Variants in ADGRB3 observed in about 807,000 individuals in gnomAD.
ADGRB3 encodes the protein brain-specific angiogenesis inhibitor 3.
Under a neutral mutation model 193.4 loss-of-function variants are expected in ADGRB3, and 37 were observed. That is an observed-to-expected ratio of 0.19 (90% CI 0.15 to 0.25). ADGRB3 has a LOEUF of 0.25. Ranked by LOEUF, ADGRB3 falls within the 10% of genes least tolerant of loss-of-function variation. The pLI is 1.00. For synonymous variants in ADGRB3, 690 were observed against 644.2 expected (o/e 1.07, Z -1.08); for missense variants, 1,637 against 1,852.9 (o/e 0.88, Z 2.14).
chr6:68,904,088 CGGGAGGAAGGAAGGAAGGAAGGAA>C (rs1766475618), intron 3 of ADGRB3, among the ~76,000 whole-genome samples: 2 of 85,684 alleles, frequency 2.3e-5, no homozygotes, highest in Non-Finnish European at 4.3e-5. Context: ...GGCTGGAGGG[CGGGAGGAAGGAAGGAAGGAAGGAA>C]GGGAGGGAGG....
rs150335243 is a variant in ADGRB3, at chr6:69,103,933, A to T, written c.2480+27895A>T. 1.6e-3 allele frequency among the ~76,000 whole-genome samples: 240 copies of T among 152,226 alleles called. 8 individuals are homozygous for T. The East Asian group carries it at 0.043, about 27-fold the overall frequency. On this transcript the variant is annotated intron_variant, in intron 17 of 31. Coordinates refer to ENST00000370598, the MANE Select transcript of ADGRB3 (RefSeq NM_001704.3). Reference sequence around the variant, plus strand: ...ATTCAAGGTTTTCACGGATGCTCTCAGTATTTAAATTATACATTAATATTG... The same window carrying T: ...ATTCAAGGTTTTCACGGATGCTCTCTGTATTTAAATTATACATTAATATTG...
At chr6:69,046,950 C>T (rs1170577696) in intron 13 of ADGRB3, among the ~76,000 whole-genome samples, 3 of 152,160 alleles carry the variant, frequency 2.0e-5, no homozygotes, top group Admixed American at 2.0e-4. Context: ...CTCCACCTCC[C>T]GGGTTCACAC....
chr6:69,071,986 G>A (rs1772093044), intron 16 of ADGRB3, among the ~76,000 whole-genome samples: 1 of 151,842 alleles, frequency 6.6e-6, no homozygotes, highest in Non-Finnish European at 1.5e-5. Flanking sequence ...ATATTTTACA[G>A]GTACTTACTC....
At chr6:68,965,478 T>C (rs2150260588) in intron 8 of ADGRB3, among the ~76,000 whole-genome samples, 2 of 152,264 alleles carry the variant, frequency 1.3e-5, no homozygotes, top group Middle Eastern at 6.8e-3. Context: ...ATCAGCTCTA[T>C]AGTTTAGAAT....
chr6:69,049,364 A>T lies in ADGRB3; in HGVS notation c.2333+18A>T. On this transcript the variant is annotated intron_variant, in intron 15 of 31. Coordinates refer to ENST00000370598, the MANE Select transcript of ADGRB3 (RefSeq NM_001704.3). ...ACTTTGAGGTAAGCTACAAAGTAATAAACTGTTGTAATTTTGTAAATTATT... is the reference window on the plus strand; with the variant it reads ...ACTTTGAGGTAAGCTACAAAGTAATTAACTGTTGTAATTTTGTAAATTATT... The T allele has an allele frequency of 6.4e-7, 1 of 1,550,462 alleles. No individual in the cohort carries two copies. The highest frequency in any genetic ancestry group is 8.8e-7 in the Non-Finnish European group (1 of 1,131,704).
intron 20 of ADGRB3, among the ~76,000 whole-genome samples, chr6:69,305,256 C>G (rs1768040107): frequency 6.6e-6 from 1 of 151,538 alleles, no homozygotes; most frequent in South Asian, 2.1e-4. Context: ...AGCAGATTTA[C>G]TTAACACAAA....
chr6:69,180,885 T>G (rs1480036795), intron 17 of ADGRB3, among the ~76,000 whole-genome samples: 1 of 152,180 alleles, frequency 6.6e-6, no homozygotes, highest in African/African-American at 2.4e-5. Context: ...GCCCCGGGAT[T>G]AAAAATGGCG....
intron 3 of ADGRB3, among the ~76,000 whole-genome samples, chr6:68,665,113 G>A (rs1768768907): frequency 6.6e-6 from 1 of 151,512 alleles, no homozygotes; most frequent in Non-Finnish European, 1.5e-5. Context: ...CTTCTTGAAA[G>A]GTGAAGAGTG....
chr6:68,673,522 A>G (rs1234945682), intron 3 of ADGRB3, among the ~76,000 whole-genome samples: 1 of 152,076 alleles, frequency 6.6e-6, no homozygotes, highest in Non-Finnish European at 1.5e-5. Context: ...CTATCCTTGT[A>G]TTAGCTAGAA....
rs187560132 is a variant in ADGRB3, at chr6:68,659,268, C to G, written c.757+19836C>G. Among the ~76,000 whole-genome samples the G allele has an allele frequency of 1.8e-3, 271 of 149,958 alleles. 1 individual carries two copies. Among genetic ancestry groups the G allele is most frequent in the African/African-American group, 6.2e-3 (255 of 41,120 alleles). On this transcript the variant is annotated intron_variant, in intron 3 of 31. Transcript: ENST00000370598. ...TGTTTTGGGGATGTGACAGTTTCCTCAGAGGAACTAATCAAAACAAAATTA... is the reference window on the plus strand; with the variant it reads ...TGTTTTGGGGATGTGACAGTTTCCTGAGAGGAACTAATCAAAACAAAATTA...
intron 26 of ADGRB3, among the ~76,000 whole-genome samples, chr6:69,340,772 C>T (rs74600145): frequency 2.6e-5 from 4 of 152,064 alleles, no homozygotes; most frequent in Non-Finnish European, 4.4e-5. Context: ...TCTAGCCCCC[C>T]ACCCTTGACA....
chr6:68,653,602 A>G (rs986836113), intron 3 of ADGRB3, among the ~76,000 whole-genome samples: 3 of 152,108 alleles, frequency 2.0e-5, no homozygotes, highest in African/African-American at 7.2e-5. Flanking sequence ...ATTAATAAAT[A>G]CTAAAATAAG....
intron 3 of ADGRB3, among the ~76,000 whole-genome samples, chr6:68,730,309 T>A (rs944484401): frequency 2.6e-5 from 4 of 151,508 alleles, no homozygotes; most frequent in Non-Finnish European, 5.9e-5. Context: ...ACAAAATAAA[T>A]CCAATAAGGG....
intron 8 of ADGRB3, among the ~76,000 whole-genome samples, chr6:68,962,547 C>G: frequency 6.6e-6 from 1 of 152,038 alleles, no homozygotes. Context: ...CTTATATTAC[C>G]CTACCTTGTT....
intron 3 of ADGRB3, among the ~76,000 whole-genome samples, chr6:68,820,997 G>A (rs1048489352): frequency 1.3e-5 from 2 of 151,938 alleles, no homozygotes; most frequent in African/African-American, 4.8e-5. Flanking sequence ...TGTTATTCAA[G>A]GCCCCCTTCA....
Position 69,308,332 on chromosome 6 carries a change from T to C in ADGRB3, c.2815-16540T>C, listed in dbSNP as rs944214696. Among the ~76,000 whole-genome samples the C allele has an allele frequency of 2.2e-4, 33 of 151,486 alleles. 1 individual carries two copies. The highest frequency in any genetic ancestry group is 8.0e-4 in the African/African-American group (33 of 41,138). Reference sequence around the variant, plus strand: ...ATGAGGTACTAGGTATTAAATACTATGTAAAATCCACCACAGTTTACAAAT... The same window carrying C: ...ATGAGGTACTAGGTATTAAATACTACGTAAAATCCACCACAGTTTACAAAT... On this transcript the variant is annotated intron_variant, in intron 20 of 31. Transcript: ENST00000370598.
At chr6:68,896,556 C>T (rs1016805822) in intron 3 of ADGRB3, among the ~76,000 whole-genome samples, 1 of 152,072 alleles carries the variant, frequency 6.6e-6, no homozygotes, top group Non-Finnish European at 1.5e-5. Context: ...GAACTACAAA[C>T]TTTCTGTTAC....
intron 20 of ADGRB3, among the ~76,000 whole-genome samples, chr6:69,242,100 A>G (rs1322582447): frequency 6.6e-6 from 1 of 151,898 alleles, no homozygotes; most frequent in East Asian, 1.9e-4. Context: ...TTGTATTTAT[A>G]TATGAGAATT....
chr6:68,908,030 A>T (rs918576293), intron 3 of ADGRB3, among the ~76,000 whole-genome samples: 5 of 151,868 alleles, frequency 3.3e-5, no homozygotes, highest in Non-Finnish European at 7.4e-5. Context: ...GCATTACCTT[A>T]TCTTTTATGT....
Sources: allele counts gnomAD v4.1 joint callset (sites outside exome capture counted in the v4.1 genomes callset), GRCh38; gene constraint gnomAD v4.1.1; transcripts MANE v1.5; gene names NCBI Gene and HGNC (gene_info 2026-07-23, HGNC 2026-07-21).